DAB1: variants seen among roughly 807,000 people sequenced by gnomAD.
The protein encoded by DAB1 is DAB adaptor protein 1, also known as disabled homolog 1.
A neutral mutation model predicts 64.6 loss-of-function variants in DAB1; 15 were observed. That is an observed-to-expected ratio of 0.23 (90% CI 0.16 to 0.36). The LOEUF (loss-of-function observed/expected upper bound fraction) is 0.36, where lower values mean the gene tolerates loss of function less well. Among genes scored for constraint, DAB1 ranks in the 10% least tolerant of loss-of-function variants. The pLI is 1.00. For missense variants in DAB1, 596 were observed against 706.7 expected (o/e 0.84, Z 1.78); for synonymous variants, 235 against 251.9 (o/e 0.93, Z 0.64).
At chr1:57,033,667 C>T (rs1233013544) in intron 9 of DAB1, 1 of 1,262,454 alleles carries the variant, frequency 7.9e-7, no homozygotes, top group Non-Finnish European at 1.1e-6. Context: ...CTATGGTTCA[C>T]ACTTCCGTGG....
chr1:58,480,924 T>G (rs1199689556), intron 3 of DAB1: 2 of 828,598 alleles, frequency 2.4e-6, no homozygotes, highest in South Asian at 1.4e-5. Context: ...TGATAAGGAC[T>G]GCAACATTCT....
intron 2 of DAB1, among the ~76,000 whole-genome samples, chr1:57,203,074 G>C (rs571749175): frequency 6.6e-6 from 1 of 152,252 alleles, no homozygotes; most frequent in South Asian, 2.1e-4. Context: ...CAGCAGATTG[G>C]GGTATAAAGC....
intron 6 of DAB1, among the ~76,000 whole-genome samples, chr1:57,664,272 C>A (rs919556729): frequency 6.6e-6 from 1 of 152,024 alleles, no homozygotes; most frequent in African/African-American, 2.4e-5. Context: ...GTAGACAAAG[C>A]AAATAAGGGA....
chr1:57,433,532 T>C (rs1685587312), intron 7 of DAB1, among the ~76,000 whole-genome samples: 2 of 151,950 alleles, frequency 1.3e-5, no homozygotes, highest in South Asian at 2.1e-4. Context: ...GAACAAAATA[T>C]AAAAGCTAAA....
chr1:57,395,339 T>C (rs952577472), intron 1 of DAB1, among the ~76,000 whole-genome samples: 5 of 152,180 alleles, frequency 3.3e-5, no homozygotes, highest in Non-Finnish European at 7.3e-5. Flanking sequence ...ATGTGTATGC[T>C]AAATCCTACA....
intron 7 of DAB1, among the ~76,000 whole-genome samples, chr1:57,624,830 G>A (rs1387870583): frequency 2.0e-5 from 3 of 152,076 alleles, no homozygotes; most frequent in South Asian, 2.1e-4. Context: ...CTATCTTCTC[G>A]AACAAAATAT....
chr1:57,006,716 T>A (rs1433754483), intron 14 of DAB1, among the ~76,000 whole-genome samples: 2 of 152,224 alleles, frequency 1.3e-5, no homozygotes. Context: ...CATTTTCTGT[T>A]GTTTTGTGGT....
intron 2 of DAB1, among the ~76,000 whole-genome samples, chr1:57,259,472 T>C (rs1395879726): frequency 1.3e-5 from 2 of 152,146 alleles, no homozygotes. Flanking sequence ...AAGTAGGAGC[T>C]GGTCTTGAGA....
At chr1:58,132,894 CTG>C (rs1391830017) in intron 5 of DAB1, among the ~76,000 whole-genome samples, 1 of 152,170 alleles carries the variant, frequency 6.6e-6, no homozygotes, top group African/African-American at 2.4e-5. Context: ...GTTCTGATAT[CTG>C]TGTTAGTGTT....
At chr1:57,271,684 C>A (rs74077635) in intron 2 of DAB1, among the ~76,000 whole-genome samples, 49 of 152,244 alleles carry the variant, frequency 3.2e-4, no homozygotes, top group African/African-American at 1.2e-3. Context: ...AGTAGCCCCG[C>A]GGAGGGCCTG....
At chr1:57,190,392 TA>T (rs951008519) in intron 2 of DAB1, among the ~76,000 whole-genome samples, 3 of 152,154 alleles carry the variant, frequency 2.0e-5, no homozygotes, top group Non-Finnish European at 2.9e-5. Context: ...GCAGGCTTTA[TA>T]AACCCTATTC....
intron 7 of DAB1, among the ~76,000 whole-genome samples, chr1:57,589,762 G>T (rs905830030): frequency 6.6e-6 from 1 of 150,566 alleles, no homozygotes; most frequent in Admixed American, 6.6e-5. Flanking sequence ...GTCTCAAGAA[G>T]AAAAAAAAGC....
At chr1:57,737,258 C>T (rs973195186) in intron 6 of DAB1, among the ~76,000 whole-genome samples, 1 of 152,180 alleles carries the variant, frequency 6.6e-6, no homozygotes, top group African/African-American at 2.4e-5. Context: ...TGAGGCAGTG[C>T]ACTTAACTCC....
At chr1:58,112,795 C>T (rs1205650051) in intron 5 of DAB1, among the ~76,000 whole-genome samples, 1 of 152,154 alleles carries the variant, frequency 6.6e-6, no homozygotes, top group Admixed American at 6.5e-5. Flanking sequence ...CACATACATG[C>T]TCCTAAAGTA....
chr1:58,303,433 T>C (rs1662221536), intron 4 of DAB1, among the ~76,000 whole-genome samples: 1 of 152,072 alleles, frequency 6.6e-6, no homozygotes, highest in Admixed American at 6.6e-5. Context: ...AAGTTTAATA[T>C]GGAGATGAAC....
At chr1:57,916,578 A>G (rs1267915636) in intron 5 of DAB1, among the ~76,000 whole-genome samples, 1 of 152,238 alleles carries the variant, frequency 6.6e-6, no homozygotes, top group Non-Finnish European at 1.5e-5. Flanking sequence ...AGTTCTCAAA[A>G]TAACCCTATG....
intron 14 of DAB1, among the ~76,000 whole-genome samples, chr1:57,004,079 T>G: frequency 6.6e-6 from 1 of 152,202 alleles, no homozygotes; most frequent in East Asian, 1.9e-4. Flanking sequence ...CCCTCACACC[T>G]ACAGCTCCTT....
intron 6 of DAB1, among the ~76,000 whole-genome samples, chr1:57,771,233 G>T (rs1016388162): frequency 6.6e-6 from 1 of 152,100 alleles, no homozygotes; most frequent in Non-Finnish European, 1.5e-5. Flanking sequence ...TGGCTTGCTT[G>T]ACTATACCAC....
intron 5 of DAB1, among the ~76,000 whole-genome samples, chr1:58,135,197 C>T (rs1174592345): frequency 6.6e-6 from 1 of 152,194 alleles, no homozygotes; most frequent in Non-Finnish European, 1.5e-5. Flanking sequence ...TATGATCTCT[C>T]TAAAGCAATC....
Sources: allele counts gnomAD v4.1 joint callset (sites outside exome capture counted in the v4.1 genomes callset), GRCh38; gene constraint gnomAD v4.1.1; transcripts MANE v1.5; gene names NCBI Gene and HGNC (gene_info 2026-07-23, HGNC 2026-07-21).